SREBF1: variants seen among roughly 807,000 people sequenced by gnomAD.
SREBF1 encodes the protein sterol regulatory element binding transcription factor 1.
In SREBF1, 45 loss-of-function variants were observed where a neutral mutation model predicts 100.1. The ratio of observed to expected loss-of-function variants is 0.45; its 90% CI spans 0.35 to 0.58. The LOEUF (loss-of-function observed/expected upper bound fraction) is 0.58, where lower values mean the gene tolerates loss of function less well. Ranked by LOEUF, SREBF1 falls within the 20% of genes least tolerant of loss-of-function variation. The probability of loss-of-function intolerance (pLI) is 0.00; values close to 1 mark genes in which losing one functional copy is unlikely to be tolerated. For synonymous variants in SREBF1, 657 were observed against 681.8 expected (o/e 0.96, Z 0.57); for missense variants, 1,324 against 1,539.4 (o/e 0.86, Z 2.34).
intron 1 of SREBF1, among the ~76,000 whole-genome samples, chr17:17,833,560 T>G (rs2035040187): frequency 1.3e-5 from 2 of 149,658 alleles, no homozygotes; most frequent in South Asian, 2.1e-4. Context: ...TCTCACTGTG[T>G]GATAAAAATG....
At chr17:17,835,032 C>A (rs748446136) in intron 1 of SREBF1, among the ~76,000 whole-genome samples, 2 of 152,102 alleles carry the variant, frequency 1.3e-5, no homozygotes, top group African/African-American at 2.4e-5. Flanking sequence ...TGGCCCAGAA[C>A]GGGTTCTGTT....
At chr17:17,813,865 C>G in intron 16 of SREBF1, 96 bp from the exon 17 acceptor site, 2 of 1,277,336 alleles carry the variant, frequency 1.6e-6, no homozygotes, top group Non-Finnish European at 2.2e-6. Flanking sequence ...CCGGGCTGCA[C>G]TGCCGAGGCA....
chr17:17,816,589 G>A lies in SREBF1; in HGVS notation c.1915C>T (p.Leu639Phe). 6.2e-7 allele frequency: 1 copy of A among 1,606,634 alleles called. No homozygotes were observed. The change falls in exon 10 of 19, where the codon CTC becomes TTC. Residue 639 changes from leucine to phenylalanine, a missense_variant. By Grantham distance (22) the Leu-to-Phe change is conservative. Coordinates refer to ENST00000261646, the MANE Select transcript of SREBF1 (RefSeq NM_004176.5). ...WNLIRHLLQR[L>F]WVGRWLAGRA... ...CCTGCCAGCCAGCGGCCCACCCAGA[G>A]ACGCTGCAGCAGGTGACGGATGAGG...
chr17:17,836,803 G>A lies in SREBF1; in HGVS notation c.15C>T (p.Pro5=), dbSNP rs190283794. Residue 5 remains proline (P), a synonymous_variant, in exon 1 of 19, where the codon CCC becomes CCT. Transcript: ENST00000261646. MDEP[P]FSEAALEQAL... ...CCTGCTCCAAAGCCGCCTCGCTGAA[G>A]GGTGGCTCGTCCATGGCGCAGCCGC... 2.6e-6 allele frequency: 4 copies of A among 1,542,464 alleles called. No individual in the cohort carries two copies. The highest frequency in any genetic ancestry group is 1.9e-5 in the Admixed American group (1 of 51,626).
At position 17,813,375 on chromosome 17, in the gene SREBF1, G is replaced by A; in HGVS notation, c.3207C>T (p.Gly1069=). Residue 1069 remains glycine, a synonymous_variant, in exon 18 of 19, where the codon GGC becomes GGT. Coordinates refer to ENST00000261646, the MANE Select transcript of SREBF1 (RefSeq NM_004176.5). ...RSLRRRAGPG[G]KGGAVAELEP... ...CAGCAGCTGCCCCCTCACCTCCTTT[G>A]CCACCGGGGCCTGCCCGCCGCCTCA... The A allele has an allele frequency of 6.3e-7, 1 of 1,595,538 alleles. No individual in the cohort carries two copies. The highest frequency in any genetic ancestry group is 8.5e-7 in the Non-Finnish European group (1 of 1,172,746).
In SREBF1 at chr17:17,835,826, T is replaced by C. The variant is rs182050803; in HGVS notation, c.91+901A>G. Among the ~76,000 whole-genome samples, 123 of 152,338 alleles carry C rather than the reference T, an allele frequency of 8.1e-4. No homozygotes were observed. In the Middle Eastern group the frequency reaches 0.017, roughly 21 times the overall value. On this transcript the variant is annotated intron_variant, in intron 1 of 18. Coordinates refer to ENST00000261646, the MANE Select transcript of SREBF1 (RefSeq NM_004176.5). ...CGGTGCCACTGTTCTGCTCCGCCCTTTCCCTGGCCGACCAAGTCGGTTTGC... is the reference window on the plus strand; with the variant it reads ...CGGTGCCACTGTTCTGCTCCGCCCTCTCCCTGGCCGACCAAGTCGGTTTGC...
At position 17,819,163 on chromosome 17, in the gene SREBF1, G is replaced by T; in HGVS notation, c.918C>A (p.Asn306Lys). The change falls in exon 5 of 19, where the codon AAC (asparagine) becomes AAA (lysine). Residue 306 changes from asparagine to lysine, a missense_variant. Physicochemically the swap from Asn to Lys is moderately conservative, Grantham distance 94 (BLOSUM62 0). Transcript: ENST00000261646. ...GGGCCTTGCTGCCAGCTGCGAGCCGGTTGATAGGCAGCTTCTCCGCATCTA... is the reference window on the plus strand; with the variant it reads ...GGGCCTTGCTGCCAGCTGCGAGCCGTTTGATAGGCAGCTTCTCCGCATCTA... ...LVVDAEKLPI[N>K]RLAAGSKAPA... is the part of the protein sequence containing the mutation. 1 of 1,614,188 alleles carries T rather than the reference G, an allele frequency of 6.2e-7. No homozygotes were observed. The highest frequency in any genetic ancestry group is 1.1e-5 in the South Asian group (1 of 91,088).
intron 1 of SREBF1, among the ~76,000 whole-genome samples, chr17:17,825,150 A>G (rs2034403083): frequency 6.6e-6 from 1 of 152,224 alleles, no homozygotes; most frequent in South Asian, 2.1e-4. Context: ...TTCTGAGCCT[A>G]GAATGTGGTG....
chr17:17,815,096 G>A (rs545093638), intron 13 of SREBF1, 125 bp downstream of exon 13: 153 of 1,231,624 alleles, frequency 1.2e-4, no homozygotes, highest in Non-Finnish European at 1.7e-4. Context: ...ACTCAGAGAG[G>A]AATGAAGCGT....
intron 1 of SREBF1, among the ~76,000 whole-genome samples, chr17:17,836,253 G>C (rs976267878): frequency 2.0e-5 from 3 of 152,278 alleles, no homozygotes; most frequent in African/African-American, 7.2e-5. Flanking sequence ...GGGGAAGGGC[G>C]CGAGGCAGCG....
intron 1 of SREBF1, among the ~76,000 whole-genome samples, chr17:17,833,450 A>T (rs59197469): frequency 0.05 from 2,203 of 44,498 alleles, 40 homozygotes; most frequent in Middle Eastern, 0.085. Context: ...AAAAAAAAAA[A>T]ATATATATAT....
chr17:17,827,758 T>G (rs560680589), intron 1 of SREBF1, among the ~76,000 whole-genome samples: 1 of 152,180 alleles, frequency 6.6e-6, no homozygotes, highest in Non-Finnish European at 1.5e-5. Flanking sequence ...AACCCCATTC[T>G]GCGGCCCCAG....
chr17:17,823,480 ATTGT>A, intron 1 of SREBF1: 1 of 1,305,048 alleles, frequency 7.7e-7, no homozygotes, highest in Non-Finnish European at 1.1e-6. Context: ...AGACGGAGGC[ATTGT>A]ATAAAGGGCT....
intron 1 of SREBF1, among the ~76,000 whole-genome samples, chr17:17,829,168 G>T (rs2034672680): frequency 7.3e-6 from 1 of 137,012 alleles, no homozygotes; most frequent in Non-Finnish European, 1.5e-5. Context: ...ACTCCAGCCT[G>T]GTGACAGAAC....
chr17:17,815,571 C>CT, intron 12 of SREBF1: 1 of 595,772 alleles, frequency 1.7e-6, no homozygotes, highest in Admixed American at 3.0e-5. Context: ...GGAAAACCGA[C>CT]TTGAGAAGAT....
At position 17,816,187 on chromosome 17, in the gene SREBF1, C is replaced by T; in HGVS notation, c.2214+20G>A. ...GGAGAGAGCTGCAGGGATAAGCCCC[C>T]AGCCCCCCAACCCACTCACTGTCAG... is the stretch of plus-strand genomic sequence containing the variant. On this transcript the variant is annotated intron_variant, in intron 11 of 18. Coordinates refer to ENST00000261646, the MANE Select transcript of SREBF1 (RefSeq NM_004176.5). 7.4e-7 allele frequency: 1 copy of T among 1,345,636 alleles called. No homozygotes were observed. Among genetic ancestry groups the T allele is most frequent in the Non-Finnish European group, 9.8e-7 (1 of 1,016,288 alleles). 83.4% of individuals were successfully genotyped at this position (1,345,636 alleles called of 1,614,324 possible).
At chr17:17,818,829 C>A (rs2033857884) in intron 5 of SREBF1, 184 bp downstream of exon 5, 2 of 705,738 alleles carry the variant, frequency 2.8e-6, no homozygotes, top group Non-Finnish European at 2.5e-6. Flanking sequence ...ACAGCCCCAC[C>A]TTTATTGAAG....
chr17:17,823,689 CA>C (rs1472636515), intron 1 of SREBF1: 3 of 898,130 alleles, frequency 3.3e-6, no homozygotes, highest in South Asian at 2.8e-5. Flanking sequence ...AGCCCCGCCC[CA>C]GCCCCGCCCC....
chr17:17,814,513 T>A, intron 15 of SREBF1, 102 bp downstream of exon 15: 1 of 1,535,442 alleles, frequency 6.5e-7, no homozygotes, highest in Non-Finnish European at 8.7e-7. Flanking sequence ...AAAAAGGTGG[T>A]GACTCCTCCT....
Sources: gnomAD v4.1 joint callset for allele counts (sites outside exome capture counted in the v4.1 genomes callset) on GRCh38, gnomAD v4.1.1 for gene constraint, MANE v1.5 for transcripts, NCBI Gene and HGNC (gene_info 2026-07-23, HGNC 2026-07-21) for gene names.